Variants in CCSAP observed in about 807,000 individuals in gnomAD.
CCSAP encodes the protein centriole, cilia and spindle associated protein, also known as centriole, cilia and spindle-associated protein.
In CCSAP, 17 loss-of-function variants were observed where a neutral mutation model predicts 25.9. The observed-to-expected ratio is 0.66, with a 90% CI of 0.45 to 0.99. The LOEUF is 0.99. Among genes scored for constraint, CCSAP ranks in the 50% least tolerant of loss-of-function variants. CCSAP has a pLI of 0.00. For synonymous variants in CCSAP, 169 were observed against 157.1 expected (o/e 1.08, Z -0.57); for missense variants, 339 against 367.8 (o/e 0.92, Z 0.64).
Position 229,342,391 on chromosome 1 carries a change from C to T in CCSAP, c.75G>A (p.Pro25=), listed in dbSNP as rs748894195. 3.3e-6 allele frequency: 5 copies of T among 1,498,140 alleles called. No individual in the cohort carries two copies. The highest frequency in any genetic ancestry group is 1.4e-5 in the African/African-American group (1 of 69,712). 92.8% of individuals were successfully genotyped at this position (1,498,140 alleles called of 1,614,324 possible). Residue 25 remains proline, a synonymous_variant, in exon 2 of 4, where the codon CCG becomes CCA. Coordinates refer to ENST00000284617, the MANE Select transcript of CCSAP (RefSeq NM_145257.5). The surrounding 1 kb of genome is among the most constrained non-coding windows in gnomAD (Gnocchi z 7.5). ...GGTAGTGCAGCAGCTCGCGGTAGCA[C>T]GGCCCGTACTCCTCCCAGCGCGGCT... ...YQEPRWEEYG[P]CYRELLHYRL... is the part of the protein sequence containing the mutation.
rs1657879580 is a variant in CCSAP, at chr1:229,323,827, C to G, written c.*1408G>C. 1 of 152,062 alleles carries G rather than the reference C, an allele frequency of 6.6e-6. No individual in the cohort carries two copies. Among genetic ancestry groups the G allele is most frequent in the Non-Finnish European group, 1.5e-5 (1 of 68,020 alleles). 9.4% of individuals were successfully genotyped at this position (152,062 alleles called of 1,614,324 possible). A position where few individuals can be genotyped will look rare whatever the true frequency, so the allele number is the denominator to read the frequency against. ...AAATTGACTATGGTTTTCCAAAGACCCAGAGAAAAATACTAAGGTAATACT... is the reference window on the plus strand; with the variant it reads ...AAATTGACTATGGTTTTCCAAAGACGCAGAGAAAAATACTAAGGTAATACT... On this transcript the variant is annotated 3_prime_UTR_variant, in exon 4 of 4. Coordinates refer to ENST00000284617, the MANE Select transcript of CCSAP (RefSeq NM_145257.5).
intron 2 of CCSAP, among the ~76,000 whole-genome samples, chr1:229,333,017 A>G (rs1177134513): frequency 2.6e-5 from 4 of 152,262 alleles, no homozygotes; most frequent in Non-Finnish European, 2.9e-5. Context: ...ATCCAAGGCC[A>G]TAAAGAAATC....
intron 2 of CCSAP, among the ~76,000 whole-genome samples, chr1:229,337,269 A>C (rs756185334): frequency 1.3e-5 from 2 of 148,888 alleles, no homozygotes; most frequent in Non-Finnish European, 2.9e-5. Context: ...CAAAACAACA[A>C]AAACAAACAT....
chr1:229,327,784 G>A (rs906178196), intron 2 of CCSAP, among the ~76,000 whole-genome samples: 12 of 150,890 alleles, frequency 8.0e-5, no homozygotes, highest in African/African-American at 2.9e-4. Context: ...CAGGGGAATC[G>A]CTTGAACCTG....
chr1:229,337,851 TAAATAAG>T (rs1658234195), intron 2 of CCSAP, among the ~76,000 whole-genome samples: 1 of 150,524 alleles, frequency 6.6e-6, no homozygotes, highest in Non-Finnish European at 1.5e-5. Flanking sequence ...ATAGCTAAAA[TAAATAAG>T]AAATAAGAAA....
chr1:229,333,708 C>T (rs1348758254), intron 2 of CCSAP, among the ~76,000 whole-genome samples: 2 of 151,852 alleles, frequency 1.3e-5, no homozygotes, highest in African/African-American at 4.8e-5. Context: ...GAGGAAACCT[C>T]GTCTCTACTA....
chr1:229,341,349 A>G (rs1205335094), intron 2 of CCSAP, among the ~76,000 whole-genome samples: 1 of 152,246 alleles, frequency 6.6e-6, no homozygotes, highest in Non-Finnish European at 1.5e-5. Flanking sequence ...TTTAAAATCC[A>G]GTGATCTGGA....
At chr1:229,334,723 TA>T (rs1372133238) in intron 2 of CCSAP, among the ~76,000 whole-genome samples, 1 of 151,876 alleles carries the variant, frequency 6.6e-6, no homozygotes, top group Non-Finnish European at 1.5e-5. Context: ...AAAAATCAGT[TA>T]AAAAAATATA....
In CCSAP at chr1:229,331,210, G is replaced by A. The variant is rs74142397; in HGVS notation, c.368-4204C>T. On this transcript the variant is annotated intron_variant, in intron 2 of 3. Coordinates refer to ENST00000284617, the MANE Select transcript of CCSAP (RefSeq NM_145257.5). ...TTTCCAACACAAAGACCAGTGTGTT[G>A]TAAAGATAACCGGCACACAGGAGGG... is the stretch of plus-strand genomic sequence containing the variant. 8.0e-3 allele frequency among the ~76,000 whole-genome samples: 1,212 copies of A among 152,244 alleles called. 25 individuals are homozygous for A. The highest frequency in any genetic ancestry group is 0.028 in the African/African-American group (1,176 of 41,522).
rs1215555380 is a variant in CCSAP, at chr1:229,342,256, C to T, written c.210G>A (p.Gly70=). 34 of 1,284,310 alleles carry T rather than the reference C, an allele frequency of 2.6e-5. No individual in the cohort carries two copies. The East Asian group carries it at 1.1e-3, about 40-fold the overall frequency. 79.6% of individuals were successfully genotyped at this position (1,284,310 alleles called of 1,614,324 possible). ...DSASSESSGA[G]GPAPRCAPPS... is the part of the protein sequence containing the mutation. ...GCGGGGCGCACCGGGGTGCGGGGCC[C>T]CCGGCGCCCGACGACTCTGACGACG... Residue 70 remains glycine, a synonymous_variant, in exon 2 of 4, where the codon GGG becomes GGA. Coordinates refer to ENST00000284617, the MANE Select transcript of CCSAP (RefSeq NM_145257.5). The surrounding 1 kb of genome is among the most constrained non-coding windows in gnomAD (Gnocchi z 7.5).
intron 2 of CCSAP, among the ~76,000 whole-genome samples, chr1:229,341,437 A>G (rs1454754104): frequency 6.6e-6 from 1 of 152,162 alleles, no homozygotes; most frequent in Non-Finnish European, 1.5e-5. Context: ...GGCAGGAAAG[A>G]AGGTGAAGGG....
In CCSAP at chr1:229,322,189, A is replaced by G. The variant is rs1657841337; in HGVS notation, c.*3046T>C. 1 of 152,206 alleles carries G rather than the reference A, an allele frequency of 6.6e-6. No homozygotes were observed. The highest frequency in any genetic ancestry group is 2.1e-4 in the South Asian group (1 of 4,830). The allele number at this position is 152,206 out of a possible 1,614,324, so 9.4% of individuals were successfully genotyped here. A position where few individuals can be genotyped will look rare whatever the true frequency, so the allele number is the denominator to read the frequency against. On this transcript the variant is annotated 3_prime_UTR_variant, in exon 4 of 4. Transcript: ENST00000284617. ...AACAGCATTATCAACCTGAAAAAGG[A>G]TAGTGGAAGACCCTACAGATTTTTT...
intron 2 of CCSAP, among the ~76,000 whole-genome samples, chr1:229,338,819 G>A (rs562436223): frequency 6.6e-6 from 1 of 152,170 alleles, no homozygotes; most frequent in Admixed American, 6.5e-5. Context: ...CAGATACTGT[G>A]TTGTAAAAAG....
rs974252316 is a variant in CCSAP, at chr1:229,324,209, T to C, written c.*1026A>G. On this transcript the variant is annotated 3_prime_UTR_variant, in exon 4 of 4. Transcript: ENST00000284617. ...AAGACTTTGTTATTGTTAAGTGCTA[T>C]AAAGAAAAAGAGAAAGTAGGGGTGG... 4.6e-5 allele frequency: 7 copies of C among 152,566 alleles called. No individual in the cohort carries two copies. Among genetic ancestry groups the C allele is most frequent in the African/African-American group, 1.7e-4 (7 of 41,434 alleles). 9.5% of individuals were successfully genotyped at this position (152,566 alleles called of 1,614,324 possible).
chr1:229,331,191 A>T (rs1337825534), intron 2 of CCSAP, among the ~76,000 whole-genome samples: 1 of 151,832 alleles, frequency 6.6e-6, no homozygotes, highest in Non-Finnish European at 1.5e-5. Context: ...AGCTTTTCCA[A>T]CACAAAGACC....
chr1:229,330,276 G>A (rs971160862), intron 2 of CCSAP, among the ~76,000 whole-genome samples: 6 of 152,154 alleles, frequency 3.9e-5, no homozygotes, highest in East Asian at 3.9e-4. Flanking sequence ...TGCTTGTCAC[G>A]TTGGATGCAA....
In CCSAP at chr1:229,342,625, GC is replaced by G. The variant is rs1295135578; in HGVS notation, c.-48-113del. On this transcript the variant is annotated intron_variant, in intron 1 of 3. Transcript: ENST00000284617. The surrounding 1 kb of genome is among the most constrained non-coding windows in gnomAD (Gnocchi z 7.5). ...GGACGGGAGCAGGGGGCGGGTCCCG[GC>G]GAGGGCGGGGAGGGGGCGGGGCGGG... 3.9e-5 allele frequency: 17 copies of G among 436,284 alleles called. No homozygotes were observed. In the East Asian group the frequency reaches 6.5e-4, roughly 17 times the overall value. The allele number at this position is 436,284 out of a possible 1,614,324, so 27.0% of individuals were successfully genotyped here. A position where few individuals can be genotyped will look rare whatever the true frequency, so the allele number is the denominator to read the frequency against.
intron 2 of CCSAP, among the ~76,000 whole-genome samples, chr1:229,333,325 C>T (rs1487580457): frequency 1.3e-5 from 2 of 150,272 alleles, no homozygotes; most frequent in African/African-American, 2.4e-5. Context: ...CCCAGCTACT[C>T]CGGAGGCAGA....
intron 2 of CCSAP, among the ~76,000 whole-genome samples, chr1:229,333,212 C>T (rs1050506169): frequency 1.3e-5 from 2 of 151,324 alleles, no homozygotes; most frequent in Non-Finnish European, 3.0e-5. Flanking sequence ...GCGGGCAGAT[C>T]ACGAGGTCAG....
Sources: gnomAD v4.1 joint callset for allele counts (sites outside exome capture counted in the v4.1 genomes callset) on GRCh38, gnomAD v4.1.1 for gene constraint, Gnocchi (gnomAD v3.1) non-coding constraint, MANE v1.5 for transcripts, NCBI Gene and HGNC (gene_info 2026-07-23, HGNC 2026-07-21) for gene names.